MORF4L1: variants seen among roughly 807,000 people sequenced by gnomAD.
MORF4L1 encodes mortality factor 4-like protein 1.
Under a neutral mutation model 52.9 loss-of-function variants are expected in MORF4L1, and 4 were observed. The observed-to-expected ratio is 0.08, with a 90% CI of 0.04 to 0.17. The LOEUF (loss-of-function observed/expected upper bound fraction) is 0.17. MORF4L1 is among the 10% of genes least tolerant of loss of function. MORF4L1 has a pLI of 1.00. For synonymous variants in MORF4L1, 123 were observed against 134.8 expected (o/e 0.91, Z 0.61); for missense variants, 214 against 390.4 (o/e 0.55, Z 3.81).
chr15:78,879,773 C>CAAAAA (rs10664763), intron 2 of MORF4L1, among the ~76,000 whole-genome samples: 1 of 124,646 alleles, frequency 8.0e-6, no homozygotes, highest in African/African-American at 2.9e-5. Flanking sequence ...CTGTCTCTAC[C>CAAAAA]AAAAAAAAAA....
intron 2 of MORF4L1, among the ~76,000 whole-genome samples, chr15:78,879,442 G>C (rs2056558529): frequency 6.6e-6 from 1 of 151,668 alleles, no homozygotes; most frequent in Non-Finnish European, 1.5e-5. Context: ...GGCTGGTCTT[G>C]AACTCCTGAC....
chr15:78,874,695 TG>T (rs1943212906), intron 1 of MORF4L1, among the ~76,000 whole-genome samples: 2 of 150,040 alleles, frequency 1.3e-5, no homozygotes, highest in South Asian at 2.1e-4. Context: ...CCCAAAGTTG[TG>T]GGGGGTTAAC....
In MORF4L1 at chr15:78,893,406, T is replaced by G. The variant is rs139094397; in HGVS notation, c.541-133T>G. ...TTTCTCAGCCACATTATCCATGTTT[T>G]AAGTGCTGAATAGTATCTTTCCTAA... On this transcript the variant is annotated intron_variant, in intron 8 of 11. Transcript: ENST00000426013. 7.3e-3 allele frequency: 4,471 copies of G among 612,280 alleles called. 124 individuals carry two copies. Among genetic ancestry groups the G allele is most frequent in the Admixed American group, 0.072 (2,483 of 34,424 alleles). The allele number at this position is 612,280 out of a possible 1,614,324, so 37.9% of individuals were successfully genotyped here.
rs145963263 is a variant in MORF4L1 at position 78,896,065 on chromosome 15, G to A, written c.888-918G>A. Among the ~76,000 whole-genome samples the A allele has an allele frequency of 6.9e-4, 105 of 152,066 alleles. No homozygotes were observed. The East Asian group carries it at 0.013, about 19-fold the overall frequency. The stretch of plus-strand genomic sequence containing the variant: ...GCGATCACAGCTCACTACAACCTCC[G>A]CCTCTTGGGTTCAAACGATTCTTGG... On this transcript the variant is annotated intron_variant, in intron 11 of 11. Transcript: ENST00000426013.
At chr15:78,880,421 G>A in intron 2 of MORF4L1, 91 bp from the exon 3 acceptor site, 2 of 878,972 alleles carry the variant, frequency 2.3e-6, no homozygotes, top group East Asian at 5.4e-5. Flanking sequence ...CCACCATAAA[G>A]CTTGTGTAGA....
At chr15:78,896,934 T>C (rs2056900394) in intron 11 of MORF4L1, 49 bp from the exon 12 acceptor site, 1 of 1,423,408 alleles carries the variant, frequency 7.0e-7, no homozygotes, top group African/African-American at 1.4e-5. Flanking sequence ...GAGATTTGGA[T>C]CAAGATAATG....
chr15:78,891,445 AATT>A (rs766868171), intron 6 of MORF4L1, 36 bp from the exon 7 acceptor site: 1 of 1,486,500 alleles, frequency 6.7e-7, no homozygotes, highest in Admixed American at 1.7e-5. Flanking sequence ...GAGTTTGTTA[AATT>A]AGCTAAATGA....
At chr15:78,882,437 A>C (rs575874200) in intron 3 of MORF4L1, among the ~76,000 whole-genome samples, 2 of 152,358 alleles carry the variant, frequency 1.3e-5, no homozygotes, top group South Asian at 4.1e-4. Context: ...TAATGGAGAA[A>C]ACTGTCTTGG....
chr15:78,876,709 T>G (rs2056499280), intron 1 of MORF4L1: 1 of 358,620 alleles, frequency 2.8e-6, no homozygotes, highest in South Asian at 2.0e-5. Flanking sequence ...TTCTCGTTCC[T>G]GGGCCGTTGG....
At chr15:78,876,057 C>A (rs1036976564) in intron 1 of MORF4L1, among the ~76,000 whole-genome samples, 8 of 151,832 alleles carry the variant, frequency 5.3e-5, no homozygotes, top group Non-Finnish European at 8.8e-5. Flanking sequence ...CCTGCCTCAG[C>A]CTCCTGAGTA....
chr15:78,888,462 A>C (rs1210420790), intron 5 of MORF4L1, among the ~76,000 whole-genome samples: 3 of 151,838 alleles, frequency 2.0e-5, no homozygotes, highest in Non-Finnish European at 4.4e-5. Flanking sequence ...AAAAAAAAAA[A>C]GTTGATGTAC....
intron 7 of MORF4L1, 121 bp from the exon 8 acceptor site, chr15:78,892,091 A>G (rs1322936964): frequency 3.5e-5 from 21 of 605,804 alleles, no homozygotes; most frequent in African/African-American, 7.6e-5. Flanking sequence ...AAATGACAGT[A>G]CAGCTGTATG....
At chr15:78,890,264 G>A (rs1422756211) in intron 5 of MORF4L1, among the ~76,000 whole-genome samples, 2 of 151,882 alleles carry the variant, frequency 1.3e-5, no homozygotes, top group Non-Finnish European at 2.9e-5. Context: ...AGTGACGTGA[G>A]GTAAGTTGCT....
At position 78,879,491 on chromosome 15, in the gene MORF4L1, A is replaced by G. The variant is rs113083054; in HGVS notation, c.88-1021A>G. Among the ~76,000 whole-genome samples the G allele has an allele frequency of 9.8e-3, 1,486 of 152,176 alleles. 31 individuals are homozygous for G. Among genetic ancestry groups the G allele is most frequent in the African/African-American group, 0.035 (1,436 of 41,524 alleles). On this transcript the variant is annotated intron_variant, in intron 2 of 11. Coordinates refer to ENST00000426013, the MANE Select transcript of MORF4L1 (RefSeq NM_006791.4). Reference sequence around the variant, plus strand: ...TGCCTCGGCCTCCCAAAGTGTTGGGATTAGAGGTGTGAGCCATTGCCCCTT... The same window carrying G: ...TGCCTCGGCCTCCCAAAGTGTTGGGGTTAGAGGTGTGAGCCATTGCCCCTT...
At chr15:78,886,377 G>C in intron 4 of MORF4L1, 150 bp downstream of exon 4, 1 of 693,598 alleles carries the variant, frequency 1.4e-6, no homozygotes, top group Admixed American at 2.3e-5. Context: ...TTGACTTCAA[G>C]CGATCAAGCC....
At chr15:78,893,218 G>C (rs1272499655) in intron 8 of MORF4L1, among the ~76,000 whole-genome samples, 1 of 152,210 alleles carries the variant, frequency 6.6e-6, no homozygotes, top group Non-Finnish European at 1.5e-5. Flanking sequence ...GTGTGTGACA[G>C]ATTGACATTT....
intron 2 of MORF4L1, among the ~76,000 whole-genome samples, chr15:78,879,106 C>A (rs2056550958): frequency 6.6e-6 from 1 of 152,018 alleles, no homozygotes; most frequent in Non-Finnish European, 1.5e-5. Flanking sequence ...CGCGGTGGCA[C>A]ATGCATGTAG....
At chr15:78,886,723 A>G (rs1447349745) in intron 4 of MORF4L1, among the ~76,000 whole-genome samples, 21 of 152,202 alleles carry the variant, frequency 1.4e-4, no homozygotes, top group Non-Finnish European at 8.8e-5. Flanking sequence ...TGGGAGGCCA[A>G]GGCGGGTGGA....
chr15:78,881,385 C>T (rs1028364334), intron 3 of MORF4L1, among the ~76,000 whole-genome samples: 3 of 151,698 alleles, frequency 2.0e-5, no homozygotes, highest in Non-Finnish European at 4.4e-5. Context: ...TTAGTAGAGA[C>T]GGAGTTTCAC....
Sources: gnomAD v4.1 joint callset for allele counts (sites outside exome capture counted in the v4.1 genomes callset) on GRCh38, gnomAD v4.1.1 for gene constraint, MANE v1.5 for transcripts, NCBI Gene and HGNC (gene_info 2026-07-23, HGNC 2026-07-21) for gene names.